The following PRDM1 variants were observed in gnomAD, a reference collection of about 807,000 sequenced individuals.
The protein encoded by PRDM1 is PR/SET domain 1.
PRDM1 carries 13 observed loss-of-function variants against 62.8 expected under a neutral mutation model. The observed-to-expected ratio is 0.21, with a 90% CI of 0.13 to 0.33. PRDM1 has a LOEUF of 0.33. Among genes scored for constraint, PRDM1 ranks in the 10% least tolerant of loss-of-function variants. PRDM1 has a pLI of 1.00. For synonymous variants in PRDM1, 396 were observed against 417.6 expected (o/e 0.95, Z 0.63); for missense variants, 895 against 1,058.8 (o/e 0.85, Z 2.15).
rs115783367 is a variant in PRDM1, at chr6:106,074,141, T to C, written c.-66-14060T>C. Reference sequence around the variant, plus strand: ...CACTATAGCATCTTAGTGGTTAAAATTGATCTATGGTAGTGAGAATAAAAA... The same window carrying C: ...CACTATAGCATCTTAGTGGTTAAAACTGATCTATGGTAGTGAGAATAAAAA... On this transcript the variant is annotated intron_variant, in intron 1 of 6. Transcript: ENST00000651185. 8.4e-3 allele frequency among the ~76,000 whole-genome samples: 1,281 copies of C among 152,302 alleles called. 17 individuals carry two copies. The highest frequency in any genetic ancestry group is 0.03 in the African/African-American group (1,229 of 41,562).
intron 1 of PRDM1, among the ~76,000 whole-genome samples, chr6:106,016,932 A>G (rs188318929): frequency 1.3e-3 from 203 of 152,282 alleles, no homozygotes; most frequent in African/African-American, 4.8e-3. Flanking sequence ...GATTACAGGC[A>G]TGAGCCACCG....
At position 106,099,520 on chromosome 6, in the gene PRDM1, C is replaced by G. The variant is rs1185877784; in HGVS notation, c.632C>G (p.Pro211Arg). The change falls in exon 4 of 7, where the codon CCT becomes CGT. Residue 211 changes from proline (P) to arginine (R), a missense_variant. By Grantham distance (103) the Pro-to-Arg change is moderately radical (BLOSUM62 -2). Around this residue, in one of 4 missense-constraint regions of PRDM1, gnomAD observed 213 missense variants for 283.9 expected, o/e 0.75. Coordinates refer to ENST00000369096, the MANE Select transcript of PRDM1 (RefSeq NM_001198.4). Reference sequence around the variant, plus strand: ...GACTTTGCAGAAAGGCTTCACTACCCTTATCCCGGAGAGCTGACAATGATG... The same window carrying G: ...GACTTTGCAGAAAGGCTTCACTACCGTTATCCCGGAGAGCTGACAATGATG... ...CRDFAERLHY[P>R]YPGELTMMNL... is the part of the protein sequence containing the mutation. The G allele has an allele frequency of 6.2e-7, 1 of 1,614,144 alleles. No individual in the cohort carries two copies.
At chr6:106,049,551 A>G (rs1055417079) in intron 1 of PRDM1, among the ~76,000 whole-genome samples, 1 of 152,086 alleles carries the variant, frequency 6.6e-6, no homozygotes. Context: ...GATGCCATCC[A>G]AGGCTCAGCT....
intron 1 of PRDM1, among the ~76,000 whole-genome samples, chr6:106,032,861 T>G (rs1772866265): frequency 6.6e-6 from 1 of 152,226 alleles, no homozygotes; most frequent in African/African-American, 2.4e-5. Flanking sequence ...TTATTTTAAT[T>G]CTAGTTCCCT....
At chr6:106,094,908 C>CACAA in intron 2 of PRDM1, among the ~76,000 whole-genome samples, 1 of 48,974 alleles carries the variant, frequency 2.0e-5, no homozygotes, top group East Asian at 3.6e-4. Context: ...GTCTTTAAAA[C>CACAA]ACACACACAC....
chr6:105,999,364 T>C (rs1041783800), intron 1 of PRDM1, among the ~76,000 whole-genome samples: 3 of 151,922 alleles, frequency 2.0e-5, no homozygotes, highest in Non-Finnish European at 4.4e-5. Flanking sequence ...GAGACCAGCC[T>C]GGGCAATATA....
chr6:105,994,009 A>G lies in PRDM1; in HGVS notation c.-67+370A>G, dbSNP rs1409075224. Among the ~76,000 whole-genome samples the G allele has an allele frequency of 6.6e-6, 1 of 152,194 alleles. No individual in the cohort carries two copies. Among genetic ancestry groups the G allele is most frequent in the African/African-American group, 2.4e-5 (1 of 41,444 alleles). On this transcript the variant is annotated intron_variant, in intron 1 of 6. Transcript: ENST00000652320. The surrounding 1 kb of genome is among the most constrained non-coding windows in gnomAD (Gnocchi z 4.1). ...TGGATGTCTTTTCCTAATTTATGAA[A>G]CGTGAACGGGGGTAAGGTATTTATT... is the stretch of plus-strand genomic sequence containing the variant.
intron 1 of PRDM1, among the ~76,000 whole-genome samples, chr6:106,056,747 C>T (rs1270725332): frequency 6.6e-6 from 1 of 152,174 alleles, no homozygotes; most frequent in Admixed American, 6.5e-5. Flanking sequence ...GCATTCAACC[C>T]CTAACCTTTT....
At chr6:106,046,328 G>A (rs928125152), upstream of PRDM1, 1 of 152,140 alleles carries the variant, frequency 6.6e-6, no homozygotes, top group Non-Finnish European at 1.5e-5. Context: ...GGTCTCCAAG[G>A]TGATCAAAGC....
chr6:105,995,090 C>A (rs762190666), intron 1 of PRDM1, among the ~76,000 whole-genome samples: 3 of 152,204 alleles, frequency 2.0e-5, no homozygotes, highest in Admixed American at 6.5e-5. Flanking sequence ...AGTGACAATG[C>A]GAGCTTTTGG....
chr6:106,063,852 G>A (rs1208564607), intron 1 of PRDM1, among the ~76,000 whole-genome samples: 2 of 152,214 alleles, frequency 1.3e-5, no homozygotes, highest in African/African-American at 4.8e-5. Context: ...TTGTGTCAGT[G>A]TGGCTTGTAG....
rs1267462043 is a variant in PRDM1 at position 106,108,657 on chromosome 6, C to T, written c.*1171C>T. The T allele has an allele frequency of 3.4e-4, 79 of 231,760 alleles. 1 individual carries two copies. Among genetic ancestry groups the T allele is most frequent in the Non-Finnish European group, 5.1e-5 (6 of 117,476 alleles). The allele number at this position is 231,760 out of a possible 1,614,324, so 14.4% of individuals were successfully genotyped here. On this transcript the variant is annotated 3_prime_UTR_variant, in exon 7 of 7. Transcript: ENST00000369096. ...AACAAAAAACGGGTATTCTAGTCATCTTGGGGTAAAAGCGGGTAATGAACA... is the reference window on the plus strand; with the variant it reads ...AACAAAAAACGGGTATTCTAGTCATTTTGGGGTAAAAGCGGGTAATGAACA...
chr6:106,086,693 A>C, intron 1 of PRDM1, 98 bp downstream of exon 1: 1 of 1,132,562 alleles, frequency 8.8e-7, no homozygotes, highest in Non-Finnish European at 1.3e-6. Context: ...TTTTTGGCTA[A>C]TGTCGCAGTA....
rs2114650322 is a variant in PRDM1, at chr6:106,104,929, G to T, written c.769G>T (p.Asp257Tyr). The T allele has an allele frequency of 6.2e-7, 1 of 1,614,020 alleles. No homozygotes were observed. The highest frequency in any genetic ancestry group is 2.2e-5 in the East Asian group (1 of 44,874). ...CAGCGTGAAAGAAATCCTAAAATTG[G>T]ACTCCAACCCCTCCAAAGGAAAGGA... ...EYSVKEILKL[D>Y]SNPSKGKDLY... Residue 257 changes from aspartate to tyrosine, a missense_variant, in exon 5 of 7, where the codon GAC (aspartate) becomes TAC (tyrosine). Asp to Tyr is a radical substitution (Grantham distance 160, BLOSUM62 -3). This residue lies in a region of PRDM1 where 444 missense variants were observed against 422.7 expected (regional missense o/e 1.05). Coordinates refer to ENST00000369096, the MANE Select transcript of PRDM1 (RefSeq NM_001198.4).
At chr6:106,099,216 G>A (rs1341336352) in intron 3 of PRDM1, 84 bp from the exon 4 acceptor site, 3 of 1,601,532 alleles carry the variant, frequency 1.9e-6, no homozygotes, top group African/African-American at 1.3e-5. Context: ...AATCACACAC[G>A]GTACCGGCTG....
At chr6:106,082,906 C>G (rs1773716938), upstream of PRDM1, among the ~76,000 whole-genome samples, 1 of 152,152 alleles carries the variant, frequency 6.6e-6, no homozygotes, top group African/African-American at 2.4e-5. Context: ...ACCAATGACA[C>G]ACACAGGCTG....
intron 1 of PRDM1, 80 bp from the exon 2 acceptor site, chr6:106,088,121 T>G: frequency 1.3e-6 from 2 of 1,493,694 alleles, no homozygotes; most frequent in Non-Finnish European, 1.8e-6. Flanking sequence ...TTCAGACTAC[T>G]GTATTAGTCA....
At chr6:106,053,247 A>G (rs1041574015) in intron 1 of PRDM1, among the ~76,000 whole-genome samples, 1 of 152,110 alleles carries the variant, frequency 6.6e-6, no homozygotes, top group Non-Finnish European at 1.5e-5. Flanking sequence ...CCTGTCCCCA[A>G]AGAAGAAAAA....
chr6:106,029,553 G>A (rs1239849561), intron 1 of PRDM1, among the ~76,000 whole-genome samples: 3 of 151,984 alleles, frequency 2.0e-5, no homozygotes, highest in Non-Finnish European at 4.4e-5. Flanking sequence ...ATTCCTTTAT[G>A]TTGTTGAGTA....
Sources: gnomAD v4.1 joint callset for allele counts (sites outside exome capture counted in the v4.1 genomes callset) on GRCh38, gnomAD v4.1.1 for gene constraint, gnomAD v4.1.1 regional missense constraint, Gnocchi (gnomAD v3.1) non-coding constraint, MANE v1.5 for transcripts, NCBI Gene and HGNC (gene_info 2026-07-23, HGNC 2026-07-21) for gene names.